Variants in PITPNB observed in about 807,000 individuals in gnomAD.
PITPNB encodes the protein phosphatidylinositol transfer protein beta isoform.
PITPNB carries 16 observed loss-of-function variants against 45.9 expected under a neutral mutation model. The ratio of observed to expected loss-of-function variants is 0.35; its 90% confidence interval spans 0.24 to 0.53. PITPNB has a LOEUF of 0.53. PITPNB is among the 20% of genes least tolerant of loss of function. The probability of loss-of-function intolerance (pLI) is 0.93; values close to 1 mark genes in which losing one functional copy is unlikely to be tolerated. For synonymous variants in PITPNB, 112 were observed against 108.9 expected (o/e 1.03, Z -0.18); for missense variants, 188 against 330.5 (o/e 0.57, Z 3.34).
chr22:27,861,893 T>C (rs1001076955), intron 8 of PITPNB, among the ~76,000 whole-genome samples: 5 of 152,224 alleles, frequency 3.3e-5, no homozygotes, highest in Non-Finnish European at 7.3e-5. Context: ...ATAAACGTTG[T>C]ATTGACCACT....
intron 3 of PITPNB, among the ~76,000 whole-genome samples, chr22:27,903,557 C>A (rs1935670474): frequency 6.6e-6 from 1 of 151,012 alleles, no homozygotes; most frequent in South Asian, 2.1e-4. Context: ...AGGAGGATAG[C>A]TTAAGCACCA....
rs148983898 is a variant in PITPNB at position 27,899,851 on chromosome 22, C to T, written c.198-1959G>A. On this transcript the variant is annotated intron_variant, in intron 3 of 11. Transcript: ENST00000335272. ...TTTTTAAGCCAAGCTACAAGACTAC[C>T]TATTCATCTGAGAGTATGACAAACA... Among the ~76,000 whole-genome samples, 7 of 152,248 alleles carry T rather than the reference C, an allele frequency of 4.6e-5. No individual in the cohort carries two copies. The East Asian group carries it at 1.3e-3, about 29-fold the overall frequency.
At chr22:27,899,774 T>C (rs1192098681) in intron 3 of PITPNB, among the ~76,000 whole-genome samples, 1 of 152,136 alleles carries the variant, frequency 6.6e-6, no homozygotes, top group Non-Finnish European at 1.5e-5. Flanking sequence ...CCAAAATCCC[T>C]TTAAGTGTGG....
intron 8 of PITPNB, among the ~76,000 whole-genome samples, 154 bp downstream of exon 8, chr22:27,873,584 C>T (rs571137368): frequency 2.0e-5 from 3 of 152,182 alleles, no homozygotes; most frequent in Non-Finnish European, 4.4e-5. Flanking sequence ...ATTTGCTGGC[C>T]AACTGCAACT....
chr22:27,912,346 T>C (rs980459033), intron 2 of PITPNB, among the ~76,000 whole-genome samples: 1 of 152,186 alleles, frequency 6.6e-6, no homozygotes, highest in African/African-American at 2.4e-5. Flanking sequence ...CCAAAATAAA[T>C]TTCTGTAGGG....
At chr22:27,853,688 C>A (rs1490655098) in intron 11 of PITPNB, 25 bp from the exon 12 acceptor site, 2 of 1,516,992 alleles carry the variant, frequency 1.3e-6, no homozygotes, top group Middle Eastern at 1.7e-4. Flanking sequence ...AAAGACAGTG[C>A]AAAATGTGTT....
intron 3 of PITPNB, 95 bp from the exon 4 acceptor site, chr22:27,897,987 G>A (rs1402975962): frequency 1.7e-5 from 14 of 828,156 alleles, no homozygotes; most frequent in East Asian, 2.5e-5. Flanking sequence ...AATCAAAGGT[G>A]ACCAGGTTCT....
Position 27,865,703 on chromosome 22 carries a change from C to T in PITPNB, c.535-5462G>A, listed in dbSNP as rs117242780. 1.5e-3 allele frequency among the ~76,000 whole-genome samples: 220 copies of T among 150,736 alleles called. 6 individuals are homozygous for T. The East Asian group carries it at 0.039, about 27-fold the overall frequency. ...GCTTTAAAAAAATACAAATGTTGCG[C>T]GGAGGGTGAAAGGAAGGAGAGGAAC... On this transcript the variant is annotated intron_variant, in intron 8 of 11. Coordinates refer to ENST00000335272, the MANE Select transcript of PITPNB (RefSeq NM_012399.5).
In PITPNB at chr22:27,873,795, G is replaced by C; in HGVS notation, c.477C>G (p.Asp159Glu). 6.2e-7 allele frequency: 1 copy of C among 1,612,442 alleles called. No homozygotes were observed. The highest frequency in any genetic ancestry group is 8.5e-7 in the Non-Finnish European group (1 of 1,178,480). The change falls in exon 8 of 12, where the codon GAC becomes GAG. Residue 159 changes from aspartate to glutamate, a missense_variant. Transcript: ENST00000335272. The part of the protein sequence containing the change: ...VEPADYKADE[D>E]PALFQSVKTK... ...TCTTGACTGACTGGAATAATGCTGG[G>C]TCTTCATCAGCTTTGTAGTCCTGCA...
intron 8 of PITPNB, among the ~76,000 whole-genome samples, chr22:27,868,254 T>G (rs1295728079): frequency 6.6e-6 from 1 of 152,190 alleles, no homozygotes; most frequent in Non-Finnish European, 1.5e-5. Flanking sequence ...ACACTGCTCA[T>G]AAGCCACTTG....
intron 7 of PITPNB, among the ~76,000 whole-genome samples, chr22:27,885,330 A>G (rs1935093217): frequency 6.6e-6 from 1 of 150,792 alleles, no homozygotes; most frequent in African/African-American, 2.4e-5. Flanking sequence ...TTTCATCAGG[A>G]CATTTAAGGA....
chr22:27,863,542 A>G (rs536411837), intron 8 of PITPNB, among the ~76,000 whole-genome samples: 71 of 152,326 alleles, frequency 4.7e-4, no homozygotes, highest in African/African-American at 1.7e-3. Context: ...GATGAACTCT[A>G]AGATACTTTC....
chr22:27,877,300 T>C (rs8142920), intron 7 of PITPNB, among the ~76,000 whole-genome samples: 7,337 of 152,266 alleles, frequency 0.048, 289 homozygotes, highest in South Asian at 0.11. Flanking sequence ...CCACCAATAA[T>C]AGTGCCTGAA....
chr22:27,858,330 G>A, intron 10 of PITPNB, 57 bp downstream of exon 10: 1 of 1,328,694 alleles, frequency 7.5e-7, no homozygotes, highest in Non-Finnish European at 1.1e-6. Context: ...TACCAAGCAT[G>A]TATACAGTTT....
rs1164741944 is a variant in PITPNB at position 27,852,979 on chromosome 22, T to C, written c.*723A>G. ...CAGAAATTTTTTTTAAAAGGATTTT[T>C]CCCTCAGGGCAAACAAGTAAAAACT... On this transcript the variant is annotated 3_prime_UTR_variant, in exon 12 of 12. Coordinates refer to ENST00000335272, the MANE Select transcript of PITPNB (RefSeq NM_012399.5). 2.0e-5 allele frequency: 3 copies of C among 152,644 alleles called. No individual in the cohort carries two copies. Among genetic ancestry groups the C allele is most frequent in the African/African-American group, 7.2e-5 (3 of 41,456 alleles). The allele number at this position is 152,644 out of a possible 1,614,324, so 9.5% of individuals were successfully genotyped here.
chr22:27,895,490 T>C (rs181245481), intron 6 of PITPNB, among the ~76,000 whole-genome samples: 1 of 151,374 alleles, frequency 6.6e-6, no homozygotes, highest in Non-Finnish European at 1.5e-5. Flanking sequence ...CTTGGGAGGC[T>C]GAGGCAGGAG....
intron 8 of PITPNB, among the ~76,000 whole-genome samples, chr22:27,866,310 A>G (rs1025188644): frequency 6.6e-6 from 1 of 152,234 alleles, no homozygotes; most frequent in African/African-American, 2.4e-5. Flanking sequence ...TTCTAACTGT[A>G]AATGAAACTC....
intron 11 of PITPNB, among the ~76,000 whole-genome samples, chr22:27,854,410 C>G (rs941041887): frequency 6.6e-6 from 1 of 152,264 alleles, no homozygotes; most frequent in South Asian, 2.1e-4. Context: ...TTCTGGTGCA[C>G]AGAAAATATT....
intron 8 of PITPNB, among the ~76,000 whole-genome samples, chr22:27,865,690 T>C (rs966524751): frequency 2.0e-5 from 3 of 151,498 alleles, no homozygotes; most frequent in African/African-American, 7.3e-5. Flanking sequence ...TTTAAAAAAA[T>C]ACAAATGTTG....
Sources: allele counts gnomAD v4.1 joint callset (sites outside exome capture counted in the v4.1 genomes callset), GRCh38; gene constraint gnomAD v4.1.1; transcripts MANE v1.5; gene names NCBI Gene and HGNC (gene_info 2026-07-23, HGNC 2026-07-21).